Variants in EWSR1 observed in about 807,000 individuals in gnomAD.
EWSR1 encodes EWS RNA binding protein 1, also known as RNA-binding protein EWS.
Under a neutral mutation model 92.1 loss-of-function variants are expected in EWSR1, and 14 were observed. The ratio of observed to expected loss-of-function variants is 0.15; its 90% CI spans 0.10 to 0.24. The LOEUF is 0.24. EWSR1 is among the 10% of genes least tolerant of loss of function. The probability of loss-of-function intolerance (pLI) is 1.00; values close to 1 mark genes in which losing one functional copy is unlikely to be tolerated. For missense variants in EWSR1, 637 were observed against 870.9 expected, an observed-to-expected ratio of 0.73 and a Z score of 3.38; for synonymous variants, 303 against 292.9, an observed-to-expected ratio of 1.03 and a Z score of -0.35.
intron 7 of EWSR1, 54 bp from the exon 8 acceptor site, chr22:29,288,552 C>A: frequency 6.7e-7 from 1 of 1,497,640 alleles, no homozygotes; most frequent in Non-Finnish European, 9.0e-7. Context: ...GAAAGTACAT[C>A]AGGCAGTGGT....
chr22:29,297,755 A>G, intron 12 of EWSR1, 72 bp from the exon 13 acceptor site: 2 of 1,585,986 alleles, frequency 1.3e-6, no homozygotes, highest in East Asian at 2.2e-5. Flanking sequence ...GGGAGTGGTC[A>G]TTTGATGATG....
chr22:29,271,824 G>A (rs1354997284), intron 1 of EWSR1, among the ~76,000 whole-genome samples: 1 of 152,154 alleles, frequency 6.6e-6, no homozygotes, highest in South Asian at 2.1e-4. Flanking sequence ...TTGTATTATT[G>A]TTGCATGCCT....
chr22:29,283,692 A>G (rs2059795306), intron 6 of EWSR1, among the ~76,000 whole-genome samples: 1 of 119,684 alleles, frequency 8.4e-6, no homozygotes. Flanking sequence ...CACCTGGCAA[A>G]AATTTTTTTT....
chr22:29,282,621 C>T, intron 6 of EWSR1, 64 bp downstream of exon 6: 1 of 1,407,232 alleles, frequency 7.1e-7, no homozygotes, highest in South Asian at 1.6e-5. Context: ...GGTTGTTGAC[C>T]AGCTTGCTTT....
Position 29,300,181 on chromosome 22 carries a change from C to T in EWSR1, c.*20C>T, listed in dbSNP as rs779118399. The T allele has an allele frequency of 2.4e-5, 39 of 1,603,788 alleles. 1 individual carries two copies. The highest frequency in any genetic ancestry group is 3.1e-5 in the Non-Finnish European group (36 of 1,176,078). On this transcript the variant is annotated 3_prime_UTR_variant, in exon 17 of 17. Transcript: ENST00000397938. ...TACTAGATGCAGAGACCCCGCAGAG[C>T]TGCATTGACTACCAGATTTATTTTT...
Position 29,299,549 on chromosome 22 carries a change from G to A in EWSR1, c.1679-50G>A, listed in dbSNP as rs752936863. 1.6e-5 allele frequency: 24 copies of A among 1,543,524 alleles called. 1 individual carries two copies. The South Asian group carries it at 3.0e-4, about 19-fold the overall frequency. ...GAGCAGCTTCCACAGTGTCCACAGG[G>A]CCTCTGCAGCCACCCACTGACTGCT... On this transcript the variant is annotated intron_variant, in intron 15 of 16. Coordinates refer to ENST00000397938, the MANE Select transcript of EWSR1 (RefSeq NM_005243.4).
At chr22:29,280,771 T>C (rs2059503475) in intron 5 of EWSR1, among the ~76,000 whole-genome samples, 1 of 149,514 alleles carries the variant, frequency 6.7e-6, no homozygotes, top group Non-Finnish European at 1.5e-5. Flanking sequence ...CCTCCGGGGT[T>C]CAAGTGATTC....
intron 1 of EWSR1, among the ~76,000 whole-genome samples, chr22:29,270,465 ATAGC>A (rs1156451763): frequency 2.6e-5 from 4 of 152,338 alleles, no homozygotes; most frequent in East Asian, 1.9e-4. Context: ...CATCAACCTA[ATAGC>A]TTGCTTGAGG....
At chr22:29,295,042 C>A (rs913667116) in intron 11 of EWSR1, among the ~76,000 whole-genome samples, 1 of 151,910 alleles carries the variant, frequency 6.6e-6, no homozygotes, top group African/African-American at 2.4e-5. Context: ...TCTACTGTCA[C>A]ATTCTACCCT....
In EWSR1 at chr22:29,288,630, G is replaced by A. The variant is rs778951638; in HGVS notation, c.818G>A (p.Ser273Asn). ...GGTTCATTCCGACAGGACCACCCCA[G>A]TAGCATGGGTGTTTATGGGCAGGAG... is the stretch of plus-strand genomic sequence containing the variant. ...QQSSFRQDHP[S>N]SMGVYGQESG... Residue 273 changes from serine to asparagine, a missense_variant, in exon 8 of 17, where the codon AGT becomes AAT. By Grantham distance (46) the Ser-to-Asn change is conservative. Coordinates refer to ENST00000397938, the MANE Select transcript of EWSR1 (RefSeq NM_005243.4). 1.2e-6 allele frequency: 2 copies of A among 1,613,182 alleles called. No homozygotes were observed. Among genetic ancestry groups the A allele is most frequent in the Non-Finnish European group, 1.7e-6 (2 of 1,179,776 alleles).
intron 8 of EWSR1, chr22:29,290,409 A>G: frequency 1.2e-6 from 2 of 1,609,786 alleles, no homozygotes; most frequent in Non-Finnish European, 1.7e-6. Context: ...TTTATATGCT[A>G]CAGGTTACAA....
intron 1 of EWSR1, among the ~76,000 whole-genome samples, chr22:29,268,736 G>T (rs1279006317): frequency 6.6e-6 from 1 of 152,226 alleles, no homozygotes; most frequent in Non-Finnish European, 1.5e-5. Flanking sequence ...TGAAACCGCC[G>T]GGGGGCCCGC....
intron 5 of EWSR1, among the ~76,000 whole-genome samples, chr22:29,281,368 CT>C (rs71196651): frequency 1 from 152,116 of 152,118 alleles, 76,057 homozygotes; most frequent in Middle Eastern, 1. Flanking sequence ...AGTACGCGAT[CT>C]AACAGCTCAC....
intron 1 of EWSR1, among the ~76,000 whole-genome samples, chr22:29,268,871 C>T (rs978485559): frequency 1.4e-4 from 21 of 152,230 alleles, no homozygotes; most frequent in Non-Finnish European, 1.6e-4. Flanking sequence ...GCGGGAGCCC[C>T]GTCATCCTTA....
At chr22:29,296,201 T>C (rs780093011) in intron 11 of EWSR1, 38 bp from the exon 12 acceptor site, 2 of 1,589,988 alleles carry the variant, frequency 1.3e-6, no homozygotes, top group Admixed American at 3.6e-5. Context: ...CAAATTAGTA[T>C]ATTCTAGTCA....
Position 29,298,825 on chromosome 22 carries a change from G to T in EWSR1, c.1510G>T (p.Gly504Cys), listed in dbSNP as rs1208341952. 6.3e-7 allele frequency: 1 copy of T among 1,598,080 alleles called. No homozygotes were observed. Among genetic ancestry groups the T allele is most frequent in the Non-Finnish European group, 8.5e-7 (1 of 1,175,472 alleles). ...AGGCTTCCCTCCAAGAGGACCCCGGGGTTCCCGAGGGAACCCCTCTGGAGG... is the reference window on the plus strand; with the variant it reads ...AGGCTTCCCTCCAAGAGGACCCCGGTGTTCCCGAGGGAACCCCTCTGGAGG... ...RGGFPPRGPR[G>C]SRGNPSGGGN... The change falls in exon 14 of 17, where the codon GGT becomes TGT. Residue 504 changes from glycine to cysteine, a missense_variant. Gly to Cys is a radical substitution (Grantham distance 159, BLOSUM62 -3). Transcript: ENST00000397938.
chr22:29,273,005 C>T (rs1291996419), intron 3 of EWSR1, among the ~76,000 whole-genome samples: 1 of 152,148 alleles, frequency 6.6e-6, no homozygotes, highest in Non-Finnish European at 1.5e-5. Context: ...CTAATAACTG[C>T]CATGGAAACA....
intron 16 of EWSR1, 130 bp downstream of exon 16, chr22:29,299,981 GC>G: frequency 3.5e-6 from 5 of 1,431,478 alleles, no homozygotes; most frequent in East Asian, 2.4e-5. Flanking sequence ...CCAGGAAGGG[GC>G]ACCTGGGGGC....
At chr22:29,279,020 C>A (rs2059349526) in intron 5 of EWSR1, among the ~76,000 whole-genome samples, 2 of 151,146 alleles carry the variant, frequency 1.3e-5, no homozygotes, top group South Asian at 4.2e-4. Context: ...TGAAATGGTG[C>A]TATCGAAGGG....
Sources: allele counts gnomAD v4.1 joint callset (sites outside exome capture counted in the v4.1 genomes callset), GRCh38; gene constraint gnomAD v4.1.1; transcripts MANE v1.5; gene names NCBI Gene and HGNC (gene_info 2026-07-23, HGNC 2026-07-21).